The following CAST variants were observed in gnomAD, a reference collection of about 807,000 sequenced individuals.
CAST encodes MIR583 host.
In CAST, 76 loss-of-function variants were observed where a neutral mutation model predicts 119.6. That is an observed-to-expected ratio of 0.64 (90% CI 0.53 to 0.77). The LOEUF (loss-of-function observed/expected upper bound fraction) is 0.77, where lower values mean the gene tolerates loss of function less well. CAST is among the 30% of genes least tolerant of loss of function. CAST has a pLI of 0.00. For synonymous variants in CAST, 319 were observed against 331.6 expected, an observed-to-expected ratio of 0.96 and a Z score of 0.41; for missense variants, 953 against 946.5, an observed-to-expected ratio of 1.01 and a Z score of -0.09.
At position 96,730,866 on chromosome 5, in the gene CAST, C is replaced by T; in HGVS notation, c.630+6C>T. 6.2e-7 allele frequency: 1 copy of T among 1,603,436 alleles called. No homozygotes were observed. Among genetic ancestry groups the T allele is most frequent in the Non-Finnish European group, 8.5e-7 (1 of 1,170,178 alleles). On this transcript the variant is annotated splice_donor_region_variant and intron_variant, in intron 9 of 31. Transcript: ENST00000675179. ...CTGGCAAGCCGGGTGACAAGGTGAG[C>T]ACACACAAGCAGACGGAAACGTGGG...
chr5:96,746,029 A>G (rs1319127145), intron 16 of CAST, among the ~76,000 whole-genome samples: 1 of 152,230 alleles, frequency 6.6e-6, no homozygotes, highest in Non-Finnish European at 1.5e-5. Flanking sequence ...AAGGGTTATT[A>G]GTAGCCACAT....
chr5:96,059,412 C>A, the CAST span, among the ~76,000 whole-genome samples: 1 of 152,102 alleles, frequency 6.6e-6, no homozygotes, highest in Admixed American at 6.6e-5. Context: ...AGGAAGAAGT[C>A]CCCTGCAATA....
the CAST span, among the ~76,000 whole-genome samples, chr5:96,298,850 G>T: frequency 2.7e-5 from 4 of 149,438 alleles, no homozygotes; most frequent in Non-Finnish European, 4.4e-5. Context: ...TATGAAAAAT[G>T]CTAAGCTCTC....
the CAST span, among the ~76,000 whole-genome samples, chr5:96,119,696 A>G: frequency 6.6e-6 from 1 of 152,246 alleles, no homozygotes; most frequent in Admixed American, 6.5e-5. Context: ...GTTTATAGTC[A>G]GAATGTCACA....
chr5:96,222,593 T>A, the CAST span, among the ~76,000 whole-genome samples: 2 of 152,184 alleles, frequency 1.3e-5, no homozygotes, highest in Middle Eastern at 6.8e-3. Flanking sequence ...ATGACTATTA[T>A]TAAAATGATA....
the CAST span, among the ~76,000 whole-genome samples, chr5:96,285,405 T>C: frequency 1.3e-5 from 2 of 152,340 alleles, no homozygotes; most frequent in South Asian, 4.1e-4. Context: ...ACCTCAGGCT[T>C]GATTGATTAA....
chr5:96,367,489 G>T, the CAST span, among the ~76,000 whole-genome samples: 1 of 151,156 alleles, frequency 6.6e-6, no homozygotes, highest in Non-Finnish European at 1.5e-5. Context: ...GAGCTTCTGG[G>T]CTGCTTTGTT....
the CAST span, among the ~76,000 whole-genome samples, chr5:96,423,970 A>T: frequency 6.6e-6 from 1 of 152,154 alleles, no homozygotes; most frequent in Non-Finnish European, 1.5e-5. Context: ...AGGAATTGCA[A>T]TGTGATTGCC....
the CAST span, among the ~76,000 whole-genome samples, chr5:96,098,334 C>G: frequency 2.6e-5 from 4 of 151,946 alleles, no homozygotes; most frequent in Non-Finnish European, 5.9e-5. Flanking sequence ...AATTGGATCC[C>G]ATTTGTCTAT....
chr5:96,399,678 T>C, the CAST span, among the ~76,000 whole-genome samples: 1 of 152,220 alleles, frequency 6.6e-6, no homozygotes, highest in Non-Finnish European at 1.5e-5. Context: ...TGATGGGTGG[T>C]TGATCACAGT....
chr5:96,238,329 TTCTTCTTCTTCTTCTTCA>T, the CAST span, among the ~76,000 whole-genome samples: 297 of 42,932 alleles, frequency 6.9e-3, 1 homozygote, highest in African/African-American at 0.017. Context: ...CTTCTTCTTC[TTCTTCTTCTTCTTCTTCA>T]TCTTCATCTT....
At chr5:96,669,547 A>G (rs1449208054) in intron 1 of CAST, among the ~76,000 whole-genome samples, 1 of 152,218 alleles carries the variant, frequency 6.6e-6, no homozygotes, top group Admixed American at 6.5e-5. Context: ...TAAGCAAGAG[A>G]GTGTACAATA....
chr5:96,645,122 C>T (rs936403520), intron 1 of CAST, among the ~76,000 whole-genome samples: 3 of 152,156 alleles, frequency 2.0e-5, no homozygotes, highest in African/African-American at 4.8e-5. Flanking sequence ...CCTCTGGGGC[C>T]TGTGACAGTT....
rs776171888 is a variant in CAST, at chr5:96,762,276, A to G, written c.1836A>G (p.Lys612=). ...FSGPQNASSL[K]FEDAKLAAAI... ...AATAAAATTTTTTTCAATAAAAGAAATTTGAAGATGCTAAACTTGCTGCTG... is the reference window on the plus strand; with the variant it reads ...AATAAAATTTTTTTCAATAAAAGAAGTTTGAAGATGCTAAACTTGCTGCTG... Residue 612 remains lysine (K), a splice_region_variant and synonymous_variant, in exon 25 of 32, where the codon AAA becomes AAG. Transcript: ENST00000675179. 6.2e-7 allele frequency: 1 copy of G among 1,601,118 alleles called. No homozygotes were observed. Among genetic ancestry groups the G allele is most frequent in the Admixed American group, 1.8e-5 (1 of 56,132 alleles).
chr5:96,138,002 A>G, the CAST span, among the ~76,000 whole-genome samples: 14 of 152,116 alleles, frequency 9.2e-5, no homozygotes, highest in African/African-American at 3.1e-4. Context: ...ACAAAGTCCA[A>G]CTTATGAATT....
At chr5:96,160,626 A>T in the CAST span, among the ~76,000 whole-genome samples, 2 of 152,178 alleles carry the variant, frequency 1.3e-5, no homozygotes, top group African/African-American at 4.8e-5. Flanking sequence ...GCATTTACCT[A>T]GGAGTGGAAT....
chr5:96,399,980 A>G, the CAST span: 26 of 1,613,750 alleles, frequency 1.6e-5, no homozygotes, highest in Non-Finnish European at 2.1e-5. Flanking sequence ...GTCCTTTACA[A>G]CACACTCTTT....
the CAST span, among the ~76,000 whole-genome samples, chr5:96,280,892 C>T: frequency 0.075 from 11,420 of 152,198 alleles, 645 homozygotes; most frequent in East Asian, 0.21. Flanking sequence ...TTCAGTCCCT[C>T]CTGTACTTTG....
chr5:96,098,772 G>A, the CAST span, among the ~76,000 whole-genome samples: 1 of 152,136 alleles, frequency 6.6e-6, no homozygotes, highest in Admixed American at 6.6e-5. Flanking sequence ...CTCCAGCTTT[G>A]TTCCTTTTGC....
Sources: allele counts gnomAD v4.1 joint callset (sites outside exome capture counted in the v4.1 genomes callset), GRCh38; gene constraint gnomAD v4.1.1; transcripts MANE v1.5; gene names NCBI Gene and HGNC (gene_info 2026-07-23, HGNC 2026-07-21).